The following STAB2 variants were observed in gnomAD, a reference collection of about 807,000 sequenced individuals.
STAB2 encodes the protein stabilin 2.
A neutral mutation model predicts 338.1 loss-of-function variants in STAB2; 288 were observed. That is an observed-to-expected ratio of 0.85 (90% CI 0.77 to 0.94). The LOEUF (loss-of-function observed/expected upper bound fraction) is 0.94. Ranked by LOEUF, STAB2 falls within the 40% of genes least tolerant of loss-of-function variation. The pLI, the probability that STAB2 is intolerant of heterozygous loss-of-function variation, is 0.00. For missense variants in STAB2, 3,141 were observed against 3,210.1 expected, an observed-to-expected ratio of 0.98 and a Z score of 0.52; for synonymous variants, 1,202 against 1,193.3, an observed-to-expected ratio of 1.01 and a Z score of -0.15.
intron 9 of STAB2, 121 bp downstream of exon 9, chr12:103,640,377 C>T: frequency 7.8e-7 from 1 of 1,280,356 alleles, no homozygotes; most frequent in Non-Finnish European, 1.1e-6. Flanking sequence ...CACCCCCACC[C>T]CACATAGTAG....
At chr12:103,732,329 T>C (rs1046001137) in intron 50 of STAB2, among the ~76,000 whole-genome samples, 2 of 151,848 alleles carry the variant, frequency 1.3e-5, no homozygotes, top group Non-Finnish European at 2.9e-5. Context: ...AAGACATATC[T>C]TACTGACTCC....
At chr12:103,686,820 C>T (rs697202) in intron 27 of STAB2, among the ~76,000 whole-genome samples, 6 of 151,964 alleles carry the variant, frequency 3.9e-5, no homozygotes, top group African/African-American at 1.4e-4. Context: ...AACAGCTTTC[C>T]GCTGCAGTTT....
At chr12:103,717,490 G>A (rs1880411709) in intron 43 of STAB2, among the ~76,000 whole-genome samples, 1 of 152,010 alleles carries the variant, frequency 6.6e-6, no homozygotes, top group South Asian at 2.1e-4. Flanking sequence ...TGAAGGCAAG[G>A]GACCAAATGG....
At chr12:103,714,258 T>C (rs1467235046) in intron 42 of STAB2, among the ~76,000 whole-genome samples, 1 of 152,230 alleles carries the variant, frequency 6.6e-6, no homozygotes, top group Non-Finnish European at 1.5e-5. Flanking sequence ...CTAACATTAT[T>C]TAAATATCCA....
At chr12:103,653,735 G>GATGC (rs1261715878) in intron 12 of STAB2, among the ~76,000 whole-genome samples, 7 of 149,682 alleles carry the variant, frequency 4.7e-5, no homozygotes, top group African/African-American at 1.8e-4. Flanking sequence ...TGGATGGATG[G>GATGC]ATGGATGGAT....
At chr12:103,591,172 T>G (rs77995755) in intron 2 of STAB2, 142 bp downstream of exon 2, 38 of 1,128,818 alleles carry the variant, frequency 3.4e-5, no homozygotes, top group Non-Finnish European at 4.7e-5. Context: ...TTTATGAACT[T>G]AAGTCTAAAA....
intron 25 of STAB2, among the ~76,000 whole-genome samples, chr12:103,681,613 CTTTTTTTTTTTT>C (rs907234037): frequency 3.2e-5 from 3 of 92,952 alleles, no homozygotes; most frequent in South Asian, 7.4e-4. Flanking sequence ...TTCCCCCCTA[CTTTTTTTTTTTT>C]TTTTTTTTTT....
chr12:103,742,759 C>T (rs1347607424), intron 56 of STAB2, among the ~76,000 whole-genome samples: 2 of 152,328 alleles, frequency 1.3e-5, no homozygotes, highest in South Asian at 2.1e-4. Flanking sequence ...AGAAGTGAAA[C>T]TTGTCCCCAG....
At chr12:103,746,780 C>A in intron 58 of STAB2, 76 bp downstream of exon 58, 1 of 1,455,280 alleles carries the variant, frequency 6.9e-7, no homozygotes, top group Non-Finnish European at 9.6e-7. Flanking sequence ...AGTGCCTGGG[C>A]TTCATCCTAG....
At chr12:103,691,650 C>T (rs1334780473) in intron 30 of STAB2, among the ~76,000 whole-genome samples, 1 of 152,106 alleles carries the variant, frequency 6.6e-6, no homozygotes, top group Non-Finnish European at 1.5e-5. Flanking sequence ...TATCCCAGGC[C>T]CTACAGATTC....
chr12:103,642,418 G>T (rs1872990414), intron 9 of STAB2, among the ~76,000 whole-genome samples: 1 of 152,208 alleles, frequency 6.6e-6, no homozygotes, highest in Non-Finnish European at 1.5e-5. Context: ...CAACAGTGAA[G>T]TGTAGGGACT....
chr12:103,690,623 C>T, intron 30 of STAB2, 85 bp downstream of exon 30: 1 of 1,191,784 alleles, frequency 8.4e-7, no homozygotes, highest in Non-Finnish European at 1.2e-6. Flanking sequence ...GTTATGGGAA[C>T]TTCCAAACAT....
intron 33 of STAB2, among the ~76,000 whole-genome samples, chr12:103,696,813 C>T (rs929498877): frequency 6.6e-6 from 1 of 152,070 alleles, no homozygotes; most frequent in Non-Finnish European, 1.5e-5. Flanking sequence ...TCCTGGGACA[C>T]CTGCATGCTT....
At chr12:103,698,947 G>T (rs1248379964) in intron 33 of STAB2, 149 bp from the exon 34 acceptor site, 5 of 935,226 alleles carry the variant, frequency 5.3e-6, no homozygotes, top group Non-Finnish European at 6.0e-6. Context: ...CTTTCATATT[G>T]AATATTGTGT....
chr12:103,654,651 G>A lies in STAB2; in HGVS notation c.1504G>A (p.Asp502Asn). ...IASNGLLHIL[D>N]RAMDKLEPTF... is the part of the protein sequence containing the mutation. ...TTCCAATGGGCTTCTGCACATCCTT[G>A]ACAGAGCCATGGACAAGTTAGAACC... Residue 502 changes from aspartate (D) to asparagine (N), a missense_variant, in exon 13 of 69, where the codon GAC becomes AAC. Transcript: ENST00000388887. 1 of 1,614,128 alleles carries A rather than the reference G, an allele frequency of 6.2e-7. No homozygotes were observed. The highest frequency in any genetic ancestry group is 8.5e-7 in the Non-Finnish European group (1 of 1,180,000).
At chr12:103,603,031 T>C (rs1422579233) in intron 3 of STAB2, among the ~76,000 whole-genome samples, 2 of 152,138 alleles carry the variant, frequency 1.3e-5, no homozygotes, top group Non-Finnish European at 2.9e-5. Context: ...TACATTCAGG[T>C]CTATCATCCA....
At chr12:103,687,311 A>G (rs1347634521) in intron 27 of STAB2, among the ~76,000 whole-genome samples, 1 of 152,032 alleles carries the variant, frequency 6.6e-6, no homozygotes, top group African/African-American at 2.4e-5. Context: ...GTCTTTTTTA[A>G]TAACTCTGTG....
chr12:103,664,380 G>A (rs143642246), intron 18 of STAB2, among the ~76,000 whole-genome samples: 11 of 152,150 alleles, frequency 7.2e-5, no homozygotes, highest in Non-Finnish European at 7.4e-5. Context: ...TCCTGACCTC[G>A]TGATCTGCCC....
chr12:103,755,308 T>C lies in STAB2; in HGVS notation c.6721T>C (p.Tyr2241His). Residue 2241 changes from tyrosine to histidine, a missense_variant, in exon 62 of 69, where the codon TAC becomes CAC. Tyr to His is a moderately conservative substitution (Grantham distance 83). Coordinates refer to ENST00000388887, the MANE Select transcript of STAB2 (RefSeq NM_017564.10). Reference protein sequence around the residue: ...NQLSYAQKAKYHLCSAGWLET... With the variant: ...NQLSYAQKAKHHLCSAGWLET... ...CCTGTCTGTATCCCTGCAGGCCAAG[T>C]ACCACCTGTGCTCAGCAGGCTGGCT... 1.2e-6 allele frequency: 2 copies of C among 1,614,006 alleles called. No individual in the cohort carries two copies. The highest frequency in any genetic ancestry group is 1.7e-6 in the Non-Finnish European group (2 of 1,180,014).
Sources: gnomAD v4.1 joint callset for allele counts (sites outside exome capture counted in the v4.1 genomes callset) on GRCh38, gnomAD v4.1.1 for gene constraint, MANE v1.5 for transcripts, NCBI Gene and HGNC (gene_info 2026-07-23, HGNC 2026-07-21) for gene names.